Variants in EP400 observed in about 807,000 individuals in gnomAD.
EP400 encodes the protein E1A binding protein p400.
Under a neutral mutation model 354.1 loss-of-function variants are expected in EP400, and 105 were observed. That is an observed-to-expected ratio of 0.30 (90% CI 0.25 to 0.35). The LOEUF is 0.35. Ranked by LOEUF, EP400 falls within the 10% of genes least tolerant of loss-of-function variation. The pLI is 1.00. For synonymous variants in EP400, 1,646 were observed against 1,716.9 expected, an observed-to-expected ratio of 0.96 and a Z score of 1.02; for missense variants, 3,280 against 4,121.0, an observed-to-expected ratio of 0.80 and a Z score of 5.59.
chr12:132,016,936 T>C (rs1893959033), intron 19 of EP400, among the ~76,000 whole-genome samples: 1 of 152,198 alleles, frequency 6.6e-6, no homozygotes, highest in Non-Finnish European at 1.5e-5. Flanking sequence ...ACCAGTTACC[T>C]GTCGTCACTA....
rs1283537286 is a variant in EP400 at position 132,027,758 on chromosome 12, T to C, written c.5109+227T>C. Among the ~76,000 whole-genome samples, 1 of 152,238 alleles carries C rather than the reference T, an allele frequency of 6.6e-6. No homozygotes were observed. The highest frequency in any genetic ancestry group is 1.5e-5 in the Non-Finnish European group (1 of 68,042). ...GTCCTTCTGCAAGTCTTCCTGGGCATTAGAATTGCTCACTTGTGTCTTGAG... is the reference window on the plus strand; with the variant it reads ...GTCCTTCTGCAAGTCTTCCTGGGCACTAGAATTGCTCACTTGTGTCTTGAG... On this transcript the variant is annotated intron_variant, in intron 26 of 52. Coordinates refer to ENST00000389561, the MANE Select transcript of EP400 (RefSeq NM_015409.5). This position sits in a 1 kb window ranked among gnomAD's most constrained non-coding sequence, Gnocchi z 4.9.
At chr12:132,076,457 C>G (rs1012011590) in intron 51 of EP400, 59 bp from the exon 52 acceptor site, 14 of 1,557,850 alleles carry the variant, frequency 9.0e-6, no homozygotes, top group Admixed American at 5.2e-5. Context: ...GAGGAAAAAT[C>G]TCTTTTTGTG....
chr12:132,043,563 T>C, intron 33 of EP400, 82 bp from the exon 34 acceptor site: 1 of 1,576,132 alleles, frequency 6.3e-7, no homozygotes. Flanking sequence ...TTGATTCAAA[T>C]GTTGGTTAGT....
Position 132,045,178 on chromosome 12 carries a change from AG to A in EP400, c.6785-139del. On this transcript the variant is annotated intron_variant, in intron 37 of 52. Transcript: ENST00000389561. ...TAATTGACCATGAAGGCCCGAAAGCAGGTCTGTCTTTGGCAGGTGCTTTCTG... is the reference window on the plus strand; with the variant it reads ...TAATTGACCATGAAGGCCCGAAAGCAGTCTGTCTTTGGCAGGTGCTTTCTG... 2.2e-6 allele frequency: 3 copies of A among 1,381,676 alleles called. No individual in the cohort carries two copies. The East Asian group carries it at 7.1e-5, about 33-fold the overall frequency. The allele number at this position is 1,381,676 out of a possible 1,614,324, so 85.6% of individuals were successfully genotyped here.
At position 132,025,092 on chromosome 12, in the gene EP400, T is replaced by G. The variant is rs1016627291; in HGVS notation, c.4856-554T>G. Among the ~76,000 whole-genome samples the G allele has an allele frequency of 1.4e-4, 22 of 151,836 alleles. No individual in the cohort carries two copies. The highest frequency in any genetic ancestry group is 5.1e-4 in the African/African-American group (21 of 41,282). ...AAACAAAACAAAACAAAACAAAACATTTTTTGGCCCACAGAGGCTGGGTCG... is the reference window on the plus strand; with the variant it reads ...AAACAAAACAAAACAAAACAAAACAGTTTTTGGCCCACAGAGGCTGGGTCG... On this transcript the variant is annotated intron_variant, in intron 24 of 52. Coordinates refer to ENST00000389561, the MANE Select transcript of EP400 (RefSeq NM_015409.5). The surrounding 1 kb of genome is among the most constrained non-coding windows in gnomAD (Gnocchi z 4.1).
At chr12:131,978,280 T>C (rs1892550653) in intron 2 of EP400, among the ~76,000 whole-genome samples, 1 of 152,218 alleles carries the variant, frequency 6.6e-6, no homozygotes, top group African/African-American at 2.4e-5. Context: ...TTTGTATCCG[T>C]GTCCCCCACC....
intron 6 of EP400, 125 bp from the exon 7 acceptor site, chr12:131,987,580 C>T: frequency 1.3e-6 from 1 of 750,286 alleles, no homozygotes; most frequent in Non-Finnish European, 2.0e-6. Context: ...GGACCTTGTG[C>T]TTTCTCTCTT....
chr12:131,990,456 C>T lies in EP400; in HGVS notation c.2551-180C>T, dbSNP rs1352707195. Reference sequence around the variant, plus strand: ...TTTTGAAATTTTAATTCTTACCTCACCACCTAATAGAACCTGGGCAGGATG... The same window carrying T: ...TTTTGAAATTTTAATTCTTACCTCATCACCTAATAGAACCTGGGCAGGATG... On this transcript the variant is annotated intron_variant, in intron 8 of 52. Transcript: ENST00000389561. The surrounding 1 kb of genome is among the most constrained non-coding windows in gnomAD (Gnocchi z 4.2). Among the ~76,000 whole-genome samples, 2 of 152,132 alleles carry T rather than the reference C, an allele frequency of 1.3e-5. No homozygotes were observed. Among genetic ancestry groups the T allele is most frequent in the Admixed American group, 1.3e-4 (2 of 15,270 alleles).
chr12:132,077,490 G>A lies in EP400; in HGVS notation c.9189G>A (p.Val3063=), dbSNP rs1180792791. 2 of 1,613,542 alleles carry A rather than the reference G, an allele frequency of 1.2e-6. No homozygotes were observed. Among genetic ancestry groups the A allele is most frequent in the African/African-American group, 1.3e-5 (1 of 74,930 alleles). The change falls in exon 53 of 53, where the codon GTG becomes GTA. Residue 3063 remains valine, a synonymous_variant. Coordinates refer to ENST00000389561, the MANE Select transcript of EP400 (RefSeq NM_015409.5). Reference sequence around the variant, plus strand: ...CTGCAGTGACCGCGACTGCCCAGGTGGTTCAGCAGAAACTCATTCAGCAGC... The same window carrying A: ...CTGCAGTGACCGCGACTGCCCAGGTAGTTCAGCAGAAACTCATTCAGCAGC... ...MIPAVTATAQ[V]VQQKLIQQQV...
At chr12:132,045,157 T>G (rs1188785457) in intron 37 of EP400, among the ~76,000 whole-genome samples, 162 bp from the exon 38 acceptor site, 1 of 151,712 alleles carries the variant, frequency 6.6e-6, no homozygotes, top group Non-Finnish European at 1.5e-5. Flanking sequence ...TCATTCTAAT[T>G]GACCATGAAG....
At chr12:132,049,179 G>T (rs1398922942) in intron 39 of EP400, among the ~76,000 whole-genome samples, 1 of 152,224 alleles carries the variant, frequency 6.6e-6, no homozygotes. Flanking sequence ...AAGCCATGCG[G>T]GGCGGGGCAT....
intron 48 of EP400, chr12:132,066,207 A>G (rs1895885742): frequency 6.6e-6 from 1 of 152,532 alleles, no homozygotes; most frequent in Admixed American, 6.5e-5. Flanking sequence ...GCTGAAGGCT[A>G]AATACCAGTT....
rs1437750282 is a variant in EP400 at position 131,994,625 on chromosome 12, G to T, written c.2738-242G>T. Among the ~76,000 whole-genome samples, 1 of 152,176 alleles carries T rather than the reference G, an allele frequency of 6.6e-6. No homozygotes were observed. The highest frequency in any genetic ancestry group is 1.9e-4 in the East Asian group (1 of 5,180). On this transcript the variant is annotated intron_variant, in intron 11 of 52. Coordinates refer to ENST00000389561, the MANE Select transcript of EP400 (RefSeq NM_015409.5). The surrounding 1 kb of genome is among the most constrained non-coding windows in gnomAD (Gnocchi z 4.6). Reference sequence around the variant, plus strand: ...AGGGTTGACAGCATTCCGTATGTTGGCCTGAAGAAGGTCTGCCATGTGTGG... The same window carrying T: ...AGGGTTGACAGCATTCCGTATGTTGTCCTGAAGAAGGTCTGCCATGTGTGG...
chr12:131,954,708 G>C (rs1891634203), intron 1 of EP400, among the ~76,000 whole-genome samples: 1 of 127,084 alleles, frequency 7.9e-6, no homozygotes, highest in African/African-American at 2.8e-5. Flanking sequence ...CTGGGTGATA[G>C]AGTGAGACTC....
At position 132,045,334 on chromosome 12, in the gene EP400, A is replaced by C; in HGVS notation, c.6800A>C (p.Lys2267Thr). Residue 2267 changes from lysine to threonine, a missense_variant, in exon 38 of 53, where the codon AAG becomes ACG. Physicochemically the swap from Lys to Thr is moderately conservative, Grantham distance 78. This residue lies in a region of EP400 where 231 missense variants were observed against 257.9 expected (regional missense o/e 0.90). Coordinates refer to ENST00000389561, the MANE Select transcript of EP400 (RefSeq NM_015409.5). Reference protein sequence around the residue: ...KTDPSAAGRKKKQRHGEAVVP... With the variant: ...KTDPSAAGRKTKQRHGEAVVP... ...CTCTGTTCAGCTGCAGGCAGGAAGA[A>C]GAAGCAGCGTCACGGGGAGGCGGTC... 1 of 1,614,242 alleles carries C rather than the reference A, an allele frequency of 6.2e-7. No individual in the cohort carries two copies. The highest frequency in any genetic ancestry group is 8.5e-7 in the Non-Finnish European group (1 of 1,180,038).
chr12:131,986,535 C>T lies in EP400; in HGVS notation c.1951C>T (p.Pro651Ser). Residue 651 changes from proline to serine, a missense_variant, in exon 6 of 53, where the codon CCT (proline) becomes TCT (serine). Transcript: ENST00000389561. ...LPQMVASTRL[P>S]VDPAPPCPRP... is the part of the protein sequence containing the mutation. ...ACAGATGGTAGCATCGACAAGGCTC[C>T]CTGTGGACCCTGCCCCGCCCTGCCC... The T allele has an allele frequency of 1.9e-6, 3 of 1,609,770 alleles. No homozygotes were observed. The highest frequency in any genetic ancestry group is 1.7e-6 in the Non-Finnish European group (2 of 1,177,466).
Position 132,006,087 on chromosome 12 carries a change from C to T in EP400, c.2936-25C>T, listed in dbSNP as rs999453951. The T allele has an allele frequency of 4.4e-6, 7 of 1,596,438 alleles. 1 individual carries two copies. In the South Asian group the frequency reaches 6.7e-5, roughly 15 times the overall value. Reference sequence around the variant, plus strand: ...TATAAAGCCTTCTCAGTGGCCCTCACTTCTCTGTTTTATTGTCGTTACAGA... The same window carrying T: ...TATAAAGCCTTCTCAGTGGCCCTCATTTCTCTGTTTTATTGTCGTTACAGA... On this transcript the variant is annotated intron_variant, in intron 13 of 52. Transcript: ENST00000389561.
rs536690458 is a variant in EP400, at chr12:132,044,326, G to A, written c.6585+15G>A. 5 of 1,606,270 alleles carry A rather than the reference G, an allele frequency of 3.1e-6. No homozygotes were observed. In the Admixed American group the frequency reaches 5.0e-5, roughly 16 times the overall value. ...CCTACAGCATGGTACCCGGCCCGGG[G>A]CCCTCCTGCCCTCTTGCCCCCCTGC... On this transcript the variant is annotated intron_variant, in intron 35 of 52. Coordinates refer to ENST00000389561, the MANE Select transcript of EP400 (RefSeq NM_015409.5).
At position 132,023,832 on chromosome 12, in the gene EP400, C is replaced by G; in HGVS notation, c.4746C>G (p.Arg1582=). The change falls in exon 24 of 53, where the codon CGC becomes CGG. Residue 1582 remains arginine (R), a synonymous_variant. Coordinates refer to ENST00000389561, the MANE Select transcript of EP400 (RefSeq NM_015409.5). Reference sequence around the variant, plus strand: ...CATCCATCACAGGACCACAGAGCCGCGTGGCTCAGCCAGAGACGCCGGTGA... The same window carrying G: ...CATCCATCACAGGACCACAGAGCCGGGTGGCTCAGCCAGAGACGCCGGTGA... ...QLASITGPQS[R]VAQPETPVTL... 6.2e-7 allele frequency: 1 copy of G among 1,613,918 alleles called. No individual in the cohort carries two copies. The highest frequency in any genetic ancestry group is 8.5e-7 in the Non-Finnish European group (1 of 1,179,944).
Sources: gnomAD v4.1 joint callset for allele counts (sites outside exome capture counted in the v4.1 genomes callset) on GRCh38, gnomAD v4.1.1 for gene constraint, gnomAD v4.1.1 regional missense constraint, Gnocchi (gnomAD v3.1) non-coding constraint, MANE v1.5 for transcripts, NCBI Gene and HGNC (gene_info 2026-07-23, HGNC 2026-07-21) for gene names.